COP1: variants seen among roughly 807,000 people sequenced by gnomAD.
COP1 encodes the protein COP1 E3 ubiquitin ligase.
COP1 carries 24 observed loss-of-function variants against 101.3 expected under a neutral mutation model. That is an observed-to-expected ratio of 0.24 (90% CI 0.17 to 0.33). The LOEUF is 0.33. COP1 is among the 10% of genes least tolerant of loss of function. COP1 has a pLI of 1.00. For missense variants in COP1, 663 were observed against 906.2 expected (o/e 0.73, Z 3.45); for synonymous variants, 347 against 341.9 (o/e 1.01, Z -0.17).
chr1:176,058,220 G>C (rs1472491537), intron 11 of COP1, among the ~76,000 whole-genome samples: 2 of 150,200 alleles, frequency 1.3e-5, no homozygotes, highest in East Asian at 4.0e-4. Flanking sequence ...GCCCCTTCTG[G>C]GAAGTGAGGA....
intron 6 of COP1, among the ~76,000 whole-genome samples, chr1:176,139,389 G>A (rs1690318720): frequency 6.6e-6 from 1 of 151,956 alleles, no homozygotes; most frequent in Admixed American, 6.6e-5. Flanking sequence ...CCACTGTGGA[G>A]ACCGGAGTTG....
At chr1:175,968,789 A>G (rs1652662931) in intron 18 of COP1, among the ~76,000 whole-genome samples, 2 of 152,228 alleles carry the variant, frequency 1.3e-5, no homozygotes, top group Admixed American at 1.3e-4. Flanking sequence ...TTCCTTTCTC[A>G]ATGCTTTCCA....
intron 18 of COP1, among the ~76,000 whole-genome samples, chr1:175,958,956 G>T (rs1470223025): frequency 2.0e-5 from 3 of 151,786 alleles, no homozygotes; most frequent in Non-Finnish European, 2.9e-5. Context: ...TCCTTAATTT[G>T]CTTTATGAAG....
chr1:176,077,782 C>G (rs1678317359), intron 11 of COP1, among the ~76,000 whole-genome samples: 1 of 152,190 alleles, frequency 6.6e-6, no homozygotes, highest in Non-Finnish European at 1.5e-5. Flanking sequence ...GCTCCTGGAA[C>G]TGATAGACAA....
Position 175,961,105 on chromosome 1 carries a change from T to C in COP1, c.2134-13866A>G, listed in dbSNP as rs557711294. Among the ~76,000 whole-genome samples the C allele has an allele frequency of 1.6e-4, 25 of 152,336 alleles. 1 individual carries two copies. The East Asian group carries it at 4.6e-3, about 28-fold the overall frequency. On this transcript the variant is annotated intron_variant, in intron 18 of 19. Coordinates refer to ENST00000367669, the MANE Select transcript of COP1 (RefSeq NM_022457.7). ...TTTTGGACTCTGGGACTTGCATCAA[T>C]GGGCCCTCAAATTCTCAGGCCTTTA... is the stretch of plus-strand genomic sequence containing the variant.
rs139711744 is a variant in COP1 at position 176,113,001 on chromosome 1, T to C, written c.1026+3623A>G. On this transcript the variant is annotated intron_variant, in intron 9 of 19. Coordinates refer to ENST00000367669, the MANE Select transcript of COP1 (RefSeq NM_022457.7). ...TTAGGTTGATTCCAAATATTGGCTA[T>C]TGTGAATAGTGCTGCAATTAACATG... Among the ~76,000 whole-genome samples, 399 of 152,350 alleles carry C rather than the reference T, an allele frequency of 2.6e-3. 3 individuals are homozygous for C. Among genetic ancestry groups the C allele is most frequent in the African/African-American group, 9.2e-3 (381 of 41,582 alleles).
chr1:175,981,941 G>C (rs554030962), intron 18 of COP1, among the ~76,000 whole-genome samples: 1 of 152,020 alleles, frequency 6.6e-6, no homozygotes, highest in Non-Finnish European at 1.5e-5. Context: ...ATGAGGTATC[G>C]CCTCACAACT....
chr1:176,000,425 T>C (rs1661315175), intron 15 of COP1, among the ~76,000 whole-genome samples: 1 of 152,104 alleles, frequency 6.6e-6, no homozygotes, highest in South Asian at 2.1e-4. Flanking sequence ...GCTATACTTT[T>C]ATTTAACTGG....
intron 15 of COP1, among the ~76,000 whole-genome samples, chr1:176,006,299 T>C (rs547983274): frequency 6.6e-6 from 1 of 152,196 alleles, no homozygotes; most frequent in Non-Finnish European, 1.5e-5. Context: ...TGACTCTTTA[T>C]CCAATTTGCC....
At chr1:175,992,992 C>A (rs1431218626) in intron 15 of COP1, among the ~76,000 whole-genome samples, 1 of 152,180 alleles carries the variant, frequency 6.6e-6, no homozygotes, top group Non-Finnish European at 1.5e-5. Flanking sequence ...GGAGGCACCA[C>A]CCAGTAGGGG....
At chr1:176,164,600 T>A (rs1359311374) in intron 3 of COP1, among the ~76,000 whole-genome samples, 1 of 152,148 alleles carries the variant, frequency 6.6e-6, no homozygotes, top group African/African-American at 2.4e-5. Flanking sequence ...GGATGATATC[T>A]GGAACTGCTT....
chr1:176,199,660 A>C (rs1013771834), intron 1 of COP1, among the ~76,000 whole-genome samples: 6 of 152,228 alleles, frequency 3.9e-5, no homozygotes, highest in Admixed American at 3.9e-4. Context: ...CAAACGAAAG[A>C]AACCAGACAC....
chr1:176,166,309 T>C (rs1186843237), intron 3 of COP1, among the ~76,000 whole-genome samples: 1 of 152,116 alleles, frequency 6.6e-6, no homozygotes, highest in African/African-American at 2.4e-5. Context: ...GAATCTTTTA[T>C]AGAGACAGGG....
intron 15 of COP1, among the ~76,000 whole-genome samples, chr1:176,013,302 T>C (rs1665017522): frequency 6.6e-6 from 1 of 152,026 alleles, no homozygotes; most frequent in Non-Finnish European, 1.5e-5. Context: ...GAAAAGAAAA[T>C]ACGGTTCAGA....
intron 8 of COP1, among the ~76,000 whole-genome samples, chr1:176,124,640 T>C (rs1019992308): frequency 6.6e-6 from 1 of 152,224 alleles, no homozygotes; most frequent in African/African-American, 2.4e-5. Context: ...ATTGAGTATG[T>C]GTACCACATT....
intron 11 of COP1, among the ~76,000 whole-genome samples, chr1:176,058,103 C>A (rs1326765577): frequency 7.3e-6 from 1 of 137,776 alleles, no homozygotes; most frequent in Admixed American, 7.2e-5. Flanking sequence ...AGCCCCCGCC[C>A]GGCCAGCCAC....
intron 15 of COP1, among the ~76,000 whole-genome samples, chr1:176,022,176 AAGAAC>A (rs1388776478): frequency 6.6e-6 from 1 of 152,212 alleles, no homozygotes; most frequent in Non-Finnish European, 1.5e-5. Flanking sequence ...AAAAAGGTGA[AAGAAC>A]AAAATAACAA....
In COP1 at chr1:176,203,320, G is replaced by A. The variant is rs369426390; in HGVS notation, c.407+3252C>T. 2.6e-3 allele frequency among the ~76,000 whole-genome samples: 399 copies of A among 152,154 alleles called. 3 individuals carry two copies. Among genetic ancestry groups the A allele is most frequent in the African/African-American group, 9.2e-3 (381 of 41,506 alleles). On this transcript the variant is annotated intron_variant, in intron 1 of 19. Coordinates refer to ENST00000367669, the MANE Select transcript of COP1 (RefSeq NM_022457.7). Reference sequence around the variant, plus strand: ...CCACTGCACTCCAGCCTGGGCAGCAGAGCGAGACTCCGTCTCAAAAAAAAA... The same window carrying A: ...CCACTGCACTCCAGCCTGGGCAGCAAAGCGAGACTCCGTCTCAAAAAAAAA...
At chr1:175,947,138 C>A in intron 19 of COP1, 57 bp downstream of exon 19, 1 of 1,150,560 alleles carries the variant, frequency 8.7e-7, no homozygotes, top group Non-Finnish European at 1.3e-6. Flanking sequence ...TTCTATAATC[C>A]TGTTTCAGTC....
Sources: gnomAD v4.1 joint callset for allele counts (sites outside exome capture counted in the v4.1 genomes callset) on GRCh38, gnomAD v4.1.1 for gene constraint, MANE v1.5 for transcripts, NCBI Gene and HGNC (gene_info 2026-07-23, HGNC 2026-07-21) for gene names.